Variants in VWA3A observed in about 807,000 individuals in gnomAD.
VWA3A encodes von Willebrand factor A domain-containing protein 3A.
In VWA3A, 134 loss-of-function variants were observed where a neutral mutation model predicts 160.4. The observed-to-expected ratio is 0.84, with a 90% CI of 0.73 to 0.96. The LOEUF (loss-of-function observed/expected upper bound fraction) is 0.96. Among genes scored for constraint, VWA3A ranks in the 40% least tolerant of loss-of-function variants. The pLI, the probability that VWA3A is intolerant of heterozygous loss-of-function variation, is 0.00. For synonymous variants in VWA3A, 476 were observed against 543.4 expected (o/e 0.88, Z 1.72); for missense variants, 1,310 against 1,447.9 (o/e 0.90, Z 1.55).
intron 7 of VWA3A, 136 bp from the exon 8 acceptor site, chr16:22,110,752 G>T: frequency 4.5e-6 from 3 of 660,980 alleles, no homozygotes; most frequent in Non-Finnish European, 7.0e-6. Context: ...GGGGCTGGCT[G>T]CTAAGCCCAG....
chr16:22,123,215 C>T (rs771929656), intron 15 of VWA3A, 50 bp downstream of exon 15: 17 of 1,522,790 alleles, frequency 1.1e-5, no homozygotes, highest in South Asian at 2.4e-5. Flanking sequence ...AAAGTGGGGA[C>T]GGGAGGAAGG....
chr16:22,103,429 TG>T, intron 5 of VWA3A, 45 bp from the exon 6 acceptor site: 1 of 1,533,894 alleles, frequency 6.5e-7, no homozygotes, highest in East Asian at 2.5e-5. Context: ...TGTTGCTCAG[TG>T]ATGACGCTGG....
chr16:22,139,137 C>T (rs1041003942), intron 22 of VWA3A, among the ~76,000 whole-genome samples: 6 of 152,136 alleles, frequency 3.9e-5, no homozygotes, highest in African/African-American at 1.4e-4. Context: ...GAAATCCATC[C>T]CAGACAGTAG....
chr16:22,128,550 T>C (rs775897826), intron 17 of VWA3A, among the ~76,000 whole-genome samples: 2 of 152,162 alleles, frequency 1.3e-5, no homozygotes, highest in African/African-American at 2.4e-5. Flanking sequence ...AAAACAGAAC[T>C]ACCATTCAAA....
intron 23 of VWA3A, chr16:22,141,231 C>G: frequency 2.0e-6 from 1 of 494,534 alleles, no homozygotes; most frequent in South Asian, 1.5e-5. Context: ...GAGCAGAGTT[C>G]TGGAGTCAGC....
chr16:22,151,569 T>A (rs2046348593), intron 30 of VWA3A, among the ~76,000 whole-genome samples: 1 of 152,108 alleles, frequency 6.6e-6, no homozygotes, highest in Admixed American at 6.5e-5. Flanking sequence ...TTATAAACGA[T>A]CACTATAGAC....
intron 13 of VWA3A, 73 bp from the exon 14 acceptor site, chr16:22,121,441 C>CTCAAAA: frequency 7.9e-7 from 1 of 1,259,904 alleles, no homozygotes; most frequent in African/African-American, 1.5e-5. Flanking sequence ...AAAACCCTGT[C>CTCAAAA]TCAAAAAAAT....
chr16:22,113,533 G>C (rs2045588387), intron 8 of VWA3A, among the ~76,000 whole-genome samples: 1 of 149,576 alleles, frequency 6.7e-6, no homozygotes, highest in South Asian at 2.1e-4. Context: ...CCTACCATGT[G>C]TACTATTGTT....
Position 22,152,584 on chromosome 16 carries a change from A to C in VWA3A, c.3355A>C (p.Thr1119Pro), listed in dbSNP as rs745751793. The C allele has an allele frequency of 1.2e-6, 2 of 1,611,164 alleles. No individual in the cohort carries two copies. The highest frequency in any genetic ancestry group is 2.7e-5 in the African/African-American group (2 of 74,878). Reference protein sequence around the residue: ...GRYHCPVGEDTLSKIHSLLTK... With the variant: ...GRYHCPVGEDPLSKIHSLLTK... Reference sequence around the variant, plus strand: ...CTATCACTGCCCTGTGGGTGAGGACACACTCTCCAAAATTCACAGCCTGCT... The same window carrying C: ...CTATCACTGCCCTGTGGGTGAGGACCCACTCTCCAAAATTCACAGCCTGCT... Residue 1119 changes from threonine (T) to proline (P), a missense_variant, in exon 31 of 34, where the codon ACA becomes CCA. Thr to Pro is a conservative substitution (Grantham distance 38). Transcript: ENST00000389398.
chr16:22,110,780 C>A, intron 7 of VWA3A, 108 bp from the exon 8 acceptor site: 1 of 990,768 alleles, frequency 1.0e-6, no homozygotes, highest in Non-Finnish European at 1.5e-6. Context: ...CAGCCCTATT[C>A]AGTACAGCTC....
chr16:22,149,785 A>G lies in VWA3A; in HGVS notation c.2985-2A>G. Reference sequence around the variant, plus strand: ...CTCACCTCCTCTTTTCCTCCTCCCCAGTTTTAACCTGCTCAGCTTTGCAGA... The same window carrying G: ...CTCACCTCCTCTTTTCCTCCTCCCCGGTTTTAACCTGCTCAGCTTTGCAGA... On this transcript the variant is annotated splice_acceptor_variant, in intron 28 of 33. Transcript: ENST00000389398. LOFTEE classifies it high-confidence loss of function. The G allele has an allele frequency of 6.3e-7, 1 of 1,588,832 alleles. No homozygotes were observed.
chr16:22,109,361 A>G lies in VWA3A; in HGVS notation c.484-121A>G, dbSNP rs1228067689. ...TTTTCCCTTATAAAATGAGGTTTCC[A>G]TCTGCTGCTGCTTGTTAGGGGTGAG... is the stretch of plus-strand genomic sequence containing the variant. On this transcript the variant is annotated intron_variant, in intron 6 of 33. Coordinates refer to ENST00000389398, the MANE Select transcript of VWA3A (RefSeq NM_173615.5). 6.3e-6 allele frequency: 5 copies of G among 789,844 alleles called. No individual in the cohort carries two copies. In the African/African-American group the frequency reaches 8.6e-5, roughly 14 times the overall value. 48.9% of individuals were successfully genotyped at this position (789,844 alleles called of 1,614,324 possible). A position where few individuals can be genotyped will look rare whatever the true frequency, so the allele number is the denominator to read the frequency against.
intron 6 of VWA3A, among the ~76,000 whole-genome samples, 197 bp from the exon 7 acceptor site, chr16:22,109,285 A>G (rs2045521511): frequency 6.6e-6 from 1 of 152,236 alleles, no homozygotes; most frequent in African/African-American, 2.4e-5. Context: ...AGGCTGCCAC[A>G]AAATAAGAGC....
At chr16:22,116,942 G>A in intron 10 of VWA3A, 75 bp downstream of exon 10, 2 of 1,469,844 alleles carry the variant, frequency 1.4e-6, no homozygotes, top group South Asian at 2.3e-5. Flanking sequence ...GAGGCCTCAT[G>A]CTTGGACAGG....
Position 22,123,411 on chromosome 16 carries a change from T to C in VWA3A, c.1438-202T>C, listed in dbSNP as rs533501432. The C allele has an allele frequency of 2.7e-6, 4 of 1,503,654 alleles. No individual in the cohort carries two copies. In the South Asian group the frequency reaches 4.8e-5, roughly 18 times the overall value. The allele number at this position is 1,503,654 out of a possible 1,614,324, so 93.1% of individuals were successfully genotyped here. A position where few individuals can be genotyped will look rare whatever the true frequency, so the allele number is the denominator to read the frequency against. On this transcript the variant is annotated intron_variant, in intron 15 of 33. Coordinates refer to ENST00000389398, the MANE Select transcript of VWA3A (RefSeq NM_173615.5). ...AAGATCTGCTTCCTTCCCCATTTGATGCAATGAAATACCGTGTGACTCTTC... is the reference window on the plus strand; with the variant it reads ...AAGATCTGCTTCCTTCCCCATTTGACGCAATGAAATACCGTGTGACTCTTC...
intron 27 of VWA3A, chr16:22,147,633 G>A (rs1274601813): frequency 2.8e-6 from 2 of 703,138 alleles, no homozygotes; most frequent in Non-Finnish European, 5.2e-6. Context: ...CATGATGACT[G>A]CTGCTTCAGG....
chr16:22,149,763 ACCT>A (rs1330089784), intron 28 of VWA3A, 21 bp from the exon 29 acceptor site: 3 of 1,575,772 alleles, frequency 1.9e-6, no homozygotes, highest in Non-Finnish European at 2.6e-6. Flanking sequence ...TCTGCCCCTC[ACCT>A]CCTCTTTTCC....
At chr16:22,102,015 A>G (rs1345000164) in intron 5 of VWA3A, among the ~76,000 whole-genome samples, 1 of 152,222 alleles carries the variant, frequency 6.6e-6, no homozygotes, top group African/African-American at 2.4e-5. Context: ...TCACACAGCT[A>G]GTAGATGGCA....
In VWA3A at chr16:22,126,426, C is replaced by A; in HGVS notation, c.1652+129C>A. 3.0e-6 allele frequency: 4 copies of A among 1,314,578 alleles called. 1 individual carries two copies. The African/African-American group carries it at 4.5e-5, about 15-fold the overall frequency. The allele number at this position is 1,314,578 out of a possible 1,614,324, so 81.4% of individuals were successfully genotyped here. A position where few individuals can be genotyped will look rare whatever the true frequency, so the allele number is the denominator to read the frequency against. On this transcript the variant is annotated intron_variant, in intron 17 of 33. Coordinates refer to ENST00000389398, the MANE Select transcript of VWA3A (RefSeq NM_173615.5). The stretch of plus-strand genomic sequence containing the variant: ...ATGGTCACCCGGCTTCCTAGGATAG[C>A]CATCGGTTTATCTGATTTGGATGAT...
Sources: allele counts gnomAD v4.1 joint callset (sites outside exome capture counted in the v4.1 genomes callset), GRCh38; gene constraint gnomAD v4.1.1; transcripts MANE v1.5; gene names NCBI Gene and HGNC (gene_info 2026-07-23, HGNC 2026-07-21).